The following TADA2A variants were observed in gnomAD, a reference collection of about 807,000 sequenced individuals.
TADA2A encodes transcriptional adapter 2-alpha.
In TADA2A, 38 loss-of-function variants were observed where a neutral mutation model predicts 67.4. The observed-to-expected ratio is 0.56, with a 90% CI of 0.44 to 0.74. The LOEUF (loss-of-function observed/expected upper bound fraction) is 0.74. Ranked by LOEUF, TADA2A falls within the 30% of genes least tolerant of loss-of-function variation. The pLI is 0.00. For missense variants in TADA2A, 454 were observed against 547.0 expected (o/e 0.83, Z 1.70); for synonymous variants, 192 against 181.6 (o/e 1.06, Z -0.46).
Position 37,477,685 on chromosome 17 carries a change from A to G in TADA2A, c.*703A>G, listed in dbSNP as rs537281760. On this transcript the variant is annotated 3_prime_UTR_variant, in exon 16 of 16. Coordinates refer to ENST00000615182, the MANE Select transcript of TADA2A (RefSeq NM_001166105.3). ...TGTCATGTTGGCCAGGCTGGTCACA[A>G]ACTCCTGACCTCAGGTGATCTGCCC... 6.6e-6 allele frequency: 1 copy of G among 152,102 alleles called. No individual in the cohort carries two copies. Among genetic ancestry groups the G allele is most frequent in the African/African-American group, 2.4e-5 (1 of 41,514 alleles). 9.4% of individuals were successfully genotyped at this position (152,102 alleles called of 1,614,324 possible). A position where few individuals can be genotyped will look rare whatever the true frequency, so the allele number is the denominator to read the frequency against.
At chr17:37,419,099 T>A (rs1033420668) in intron 2 of TADA2A, among the ~76,000 whole-genome samples, 4 of 146,828 alleles carry the variant, frequency 2.7e-5, no homozygotes, top group African/African-American at 9.8e-5. Context: ...TTCAAAATGC[T>A]AATTGTGGAT....
chr17:37,472,752 C>T lies in TADA2A; in HGVS notation c.1072+1615C>T, dbSNP rs770918353. 8.6e-4 allele frequency among the ~76,000 whole-genome samples: 131 copies of T among 152,104 alleles called. 1 individual carries two copies. The highest frequency in any genetic ancestry group is 6.8e-3 in the Admixed American group (103 of 15,256). ...TGGTACACATCTGTAATCCCAGCTA[C>T]TCCAGAGGCTGAGGCAGGAGAATCG... On this transcript the variant is annotated intron_variant, in intron 14 of 15. Transcript: ENST00000615182.
intron 9 of TADA2A, among the ~76,000 whole-genome samples, chr17:37,460,551 T>C (rs1272974774): frequency 6.6e-6 from 1 of 152,192 alleles, no homozygotes; most frequent in Non-Finnish European, 1.5e-5. Flanking sequence ...AGCCCTATTG[T>C]GCTTTTTTAA....
Position 37,457,263 on chromosome 17 carries a change from C to T in TADA2A, c.605-1261C>T, listed in dbSNP as rs140150000. ...TGGTGCCATCTCGGCTCACTGCAAC[C>T]TCTGCTTCCCAGGTTCAAGCAACTG... On this transcript the variant is annotated intron_variant, in intron 8 of 15. Transcript: ENST00000615182. Among the ~76,000 whole-genome samples, 874 of 150,498 alleles carry T rather than the reference C, an allele frequency of 5.8e-3. 5 individuals carry two copies. Among genetic ancestry groups the T allele is most frequent in the African/African-American group, 0.018 (747 of 40,844 alleles).
chr17:37,424,160 C>T (rs1363319552), intron 3 of TADA2A, among the ~76,000 whole-genome samples: 1 of 152,140 alleles, frequency 6.6e-6, no homozygotes, highest in Non-Finnish European at 1.5e-5. Flanking sequence ...TGGCCGGGCA[C>T]AGTGGCTCAT....
In TADA2A at chr17:37,474,561, C is replaced by T. The variant is rs563439261; in HGVS notation, c.1078C>T (p.Arg360Trp). 11 of 1,613,438 alleles carry T rather than the reference C, an allele frequency of 6.8e-6. No homozygotes were observed. Among genetic ancestry groups the T allele is most frequent in the African/African-American group, 2.7e-5 (2 of 75,014 alleles). Residue 360 changes from arginine to tryptophan, a missense_variant, in exon 15 of 16, where the codon CGG becomes TGG. Physicochemically the swap from Arg to Trp is moderately radical, Grantham distance 101 (BLOSUM62 -3). Transcript: ENST00000615182. Reference sequence around the variant, plus strand: ...TTTCCTTTCTCTGTCTATAGGTAGACGGAGTGCACCACCCTTGAACCTCAC... The same window carrying T: ...TTTCCTTTCTCTGTCTATAGGTAGATGGAGTGCACCACCCTTGAACCTCAC... ...SIPMASNSGR[R>W]SAPPLNLTGL...
chr17:37,450,590 C>T (rs1277414590), intron 8 of TADA2A: 1 of 152,254 alleles, frequency 6.6e-6, no homozygotes, highest in Admixed American at 6.5e-5. Context: ...CACAGGGAGA[C>T]TGTGCTTCCC....
intron 6 of TADA2A, 114 bp from the exon 7 acceptor site, chr17:37,442,450 C>T: frequency 5.1e-6 from 4 of 788,236 alleles, no homozygotes; most frequent in East Asian, 3.0e-5. Flanking sequence ...TTATCTTTTT[C>T]ACATTTCCTT....
chr17:37,441,986 C>G (rs2052932354), intron 6 of TADA2A, among the ~76,000 whole-genome samples: 1 of 152,084 alleles, frequency 6.6e-6, no homozygotes. Flanking sequence ...ATTTGGATAG[C>G]ACTTTGGTGT....
intron 4 of TADA2A, among the ~76,000 whole-genome samples, chr17:37,428,658 T>C (rs542753567): frequency 6.6e-6 from 1 of 152,310 alleles, no homozygotes; most frequent in East Asian, 1.9e-4. Flanking sequence ...CACAGCTCAC[T>C]GTAACCTCGA....
At chr17:37,439,549 C>T (rs1462398321) in intron 5 of TADA2A, among the ~76,000 whole-genome samples, 1 of 152,094 alleles carries the variant, frequency 6.6e-6, no homozygotes, top group Non-Finnish European at 1.5e-5. Flanking sequence ...TCCCAAAGTG[C>T]TGGAATAACA....
At chr17:37,443,176 A>C (rs896999157) in intron 7 of TADA2A, among the ~76,000 whole-genome samples, 1 of 151,154 alleles carries the variant, frequency 6.6e-6, no homozygotes, top group African/African-American at 2.4e-5. Flanking sequence ...AAACAAAAAA[A>C]CCCCAGCAAA....
At chr17:37,443,221 C>T (rs2052973670) in intron 7 of TADA2A, among the ~76,000 whole-genome samples, 1 of 151,816 alleles carries the variant, frequency 6.6e-6, no homozygotes, top group Admixed American at 6.6e-5. Context: ...CTGGCTTCCA[C>T]TTCCTTAGGT....
At chr17:37,462,837 T>C (rs1359059273) in intron 10 of TADA2A, among the ~76,000 whole-genome samples, 13 of 152,070 alleles carry the variant, frequency 8.5e-5, no homozygotes, top group Admixed American at 5.2e-4. Context: ...TTTAGATAAA[T>C]AACAGAAAGT....
intron 5 of TADA2A, among the ~76,000 whole-genome samples, chr17:37,438,928 T>C (rs1449225381): frequency 6.6e-6 from 1 of 152,336 alleles, no homozygotes; most frequent in South Asian, 2.1e-4. Context: ...CTAAGAATTA[T>C]GAGATGCATC....
At chr17:37,412,919 T>C (rs1452624775) in intron 2 of TADA2A, among the ~76,000 whole-genome samples, 1 of 152,134 alleles carries the variant, frequency 6.6e-6, no homozygotes, top group African/African-American at 2.4e-5. Context: ...GGGTGTTGTT[T>C]CCTCTTCAAC....
chr17:37,475,961 A>G (rs1175216595), intron 15 of TADA2A, among the ~76,000 whole-genome samples: 5 of 152,186 alleles, frequency 3.3e-5, no homozygotes, highest in Non-Finnish European at 7.3e-5. Context: ...TGCTCCTTTT[A>G]TAATTCCCAA....
Position 37,470,410 on chromosome 17 carries a change from C to T in TADA2A, c.906C>T (p.Thr302=). 6.2e-7 allele frequency: 1 copy of T among 1,613,740 alleles called. No individual in the cohort carries two copies. Among genetic ancestry groups the T allele is most frequent in the Non-Finnish European group, 8.5e-7 (1 of 1,179,886 alleles). ...TTTCTATACCCCCAGGTGCCAGAAC[C>T]TACGATCACCTCAAGAAGACACGGG... The part of the protein sequence containing the change: ...AGITNFCSAR[T]YDHLKKTREE... The change falls in exon 13 of 16, where the codon ACC becomes ACT. Residue 302 remains threonine, a synonymous_variant. Transcript: ENST00000615182.
At chr17:37,472,777 G>A (rs767336196) in intron 14 of TADA2A, among the ~76,000 whole-genome samples, 74 of 152,084 alleles carry the variant, frequency 4.9e-4, no homozygotes, top group Non-Finnish European at 9.6e-4. Context: ...CAGGAGAATC[G>A]CTTGAATCCG....
Sources: gnomAD v4.1 joint callset for allele counts (sites outside exome capture counted in the v4.1 genomes callset) on GRCh38, gnomAD v4.1.1 for gene constraint, MANE v1.5 for transcripts, NCBI Gene and HGNC (gene_info 2026-07-23, HGNC 2026-07-21) for gene names.